SOX6: variants seen among roughly 807,000 people sequenced by gnomAD.
The protein encoded by SOX6 is SRY-box transcription factor 6, also known as transcription factor SOX-6.
SOX6 carries 11 observed loss-of-function variants against 97.8 expected under a neutral mutation model. The ratio of observed to expected loss-of-function variants is 0.11; its 90% CI spans 0.07 to 0.19. The LOEUF is 0.19. SOX6 is among the 10% of genes least tolerant of loss of function. The pLI is 1.00. For synonymous variants in SOX6, 360 were observed against 371.4 expected, an observed-to-expected ratio of 0.97 and a Z score of 0.35; for missense variants, 810 against 1,039.5, an observed-to-expected ratio of 0.78 and a Z score of 3.04.
chr11:16,492,552 G>A, intron 4 of SOX6, among the ~76,000 whole-genome samples: 1 of 152,172 alleles, frequency 6.6e-6, no homozygotes, highest in East Asian at 1.9e-4. Flanking sequence ...CCTTCTCAGA[G>A]GTTCTAAAAG....
At chr11:16,594,726 T>G (rs998053026) in intron 4 of SOX6, among the ~76,000 whole-genome samples, 1 of 117,950 alleles carries the variant, frequency 8.5e-6, no homozygotes, top group African/African-American at 3.2e-5. Context: ...GGTCTCACTC[T>G]GTCACCCAGG....
chr11:16,669,540 G>T (rs1179716485), intron 3 of SOX6, among the ~76,000 whole-genome samples: 1 of 152,218 alleles, frequency 6.6e-6, no homozygotes, highest in Non-Finnish European at 1.5e-5. Context: ...TCCAGGCCCT[G>T]GGCCTCCAGC....
At chr11:16,065,256 G>C (rs1405802911) in intron 9 of SOX6, among the ~76,000 whole-genome samples, 1 of 151,712 alleles carries the variant, frequency 6.6e-6, no homozygotes, top group East Asian at 1.9e-4. Context: ...AAAAAGTAAT[G>C]CCACTTACAA....
chr11:16,545,536 C>T (rs757526525), intron 4 of SOX6, among the ~76,000 whole-genome samples: 3 of 152,148 alleles, frequency 2.0e-5, no homozygotes, highest in Non-Finnish European at 4.4e-5. Context: ...AGCCTTTCCT[C>T]TAATAACTGG....
chr11:16,367,506 A>G (rs1857388936), intron 1 of SOX6, among the ~76,000 whole-genome samples: 1 of 152,178 alleles, frequency 6.6e-6, no homozygotes, highest in South Asian at 2.1e-4. Flanking sequence ...TAAAGGAAAG[A>G]ACCTACTCCC....
intron 6 of SOX6, among the ~76,000 whole-genome samples, chr11:16,163,934 C>T (rs1273725685): frequency 6.6e-6 from 1 of 152,160 alleles, no homozygotes; most frequent in Admixed American, 6.5e-5. Context: ...CTGAAAGAGA[C>T]AGGTTGCGAG....
chr11:16,228,015 T>C lies in SOX6; in HGVS notation c.535+6567A>G, dbSNP rs375796124. Among the ~76,000 whole-genome samples the C allele has an allele frequency of 1.1e-4, 17 of 152,152 alleles. No individual in the cohort carries two copies. The East Asian group carries it at 3.3e-3, about 29-fold the overall frequency. ...GAGTTCAAGTCCAGTCTCACCAACA[T>C]GGTGAAACCCTGTCTCTACTAAAAA... On this transcript the variant is annotated intron_variant, in intron 4 of 15. Transcript: ENST00000683767.
At chr11:16,347,726 C>T (rs1267002933) in intron 1 of SOX6, among the ~76,000 whole-genome samples, 3 of 152,088 alleles carry the variant, frequency 2.0e-5, no homozygotes, top group East Asian at 1.9e-4. Context: ...AATAACTTCT[C>T]AGAGACAAAG....
chr11:16,372,391 G>A (rs1350411425), intron 1 of SOX6, among the ~76,000 whole-genome samples: 1 of 151,884 alleles, frequency 6.6e-6, no homozygotes, highest in Admixed American at 6.6e-5. Context: ...TAAGTTAATG[G>A]CATAGGAATA....
intron 4 of SOX6, among the ~76,000 whole-genome samples, chr11:16,214,415 C>T (rs1363964400): frequency 6.6e-6 from 1 of 152,138 alleles, no homozygotes; most frequent in Non-Finnish European, 1.5e-5. Context: ...GCATCTTATA[C>T]GCTGACTCAT....
intron 3 of SOX6, among the ~76,000 whole-genome samples, chr11:16,664,521 T>G (rs1277398311): frequency 1.3e-5 from 2 of 152,148 alleles, no homozygotes; most frequent in African/African-American, 4.8e-5. Context: ...AGAAGAGAAT[T>G]ACCCATCCCA....
intron 3 of SOX6, among the ~76,000 whole-genome samples, chr11:16,272,163 T>G (rs1854278220): frequency 6.6e-6 from 1 of 151,700 alleles, no homozygotes; most frequent in African/African-American, 2.4e-5. Context: ...GATTTTAAAT[T>G]GTGTTAATGA....
At chr11:16,497,290 G>T (rs1017541418) in intron 4 of SOX6, among the ~76,000 whole-genome samples, 3 of 151,980 alleles carry the variant, frequency 2.0e-5, no homozygotes, top group Non-Finnish European at 2.9e-5. Context: ...CACACAGAAA[G>T]GACATCCACA....
chr11:16,606,880 G>C (rs1565191791), intron 4 of SOX6, among the ~76,000 whole-genome samples: 1 of 152,134 alleles, frequency 6.6e-6, no homozygotes. Flanking sequence ...TGTCACTCCG[G>C]AACAAGGCGC....
At chr11:16,076,676 GCAGGCACAT>G in intron 9 of SOX6, among the ~76,000 whole-genome samples, 1 of 150,246 alleles carries the variant, frequency 6.7e-6, no homozygotes, top group South Asian at 2.1e-4. Flanking sequence ...CGAAAGGGAA[GCAGGCACAT>G]CTTACATGTC....
intron 12 of SOX6, 114 bp from the exon 13 acceptor site, chr11:16,015,164 C>A (rs1854848003): frequency 2.3e-6 from 2 of 860,608 alleles, no homozygotes; most frequent in South Asian, 2.9e-5. Context: ...TCATTTCTGA[C>A]CAATGTGGAC....
chr11:16,664,631 T>C (rs1200446460), intron 3 of SOX6, among the ~76,000 whole-genome samples: 1 of 152,104 alleles, frequency 6.6e-6, no homozygotes, highest in Middle Eastern at 3.2e-3. Flanking sequence ...CAAAGACTAT[T>C]ATTCCTGGGC....
At chr11:16,036,104 A>T (rs1176526220) in intron 12 of SOX6, among the ~76,000 whole-genome samples, 3 of 114,238 alleles carry the variant, frequency 2.6e-5, no homozygotes, top group East Asian at 5.0e-4. Flanking sequence ...TTTGAGATGG[A>T]GTTTCGCTCT....
rs566929795 is a variant in SOX6, at chr11:16,439,359, T to C, written c.-5+36956A>G. Among the ~76,000 whole-genome samples, 12 of 152,294 alleles carry C rather than the reference T, an allele frequency of 7.9e-5. No individual in the cohort carries two copies. The South Asian group carries it at 2.5e-3, about 32-fold the overall frequency. On this transcript the variant is annotated intron_variant, in intron 1 of 15. Coordinates refer to the SOX6 transcript ENST00000396356. ...TTTAAGTAGAATCTCATGCATTCAT[T>C]TTATACCACAATAAATAGCCAATGT...
Sources: allele counts gnomAD v4.1 joint callset (sites outside exome capture counted in the v4.1 genomes callset), GRCh38; gene constraint gnomAD v4.1.1; transcripts MANE v1.5; gene names NCBI Gene and HGNC (gene_info 2026-07-23, HGNC 2026-07-21).